MYO1D: variants seen among roughly 807,000 people sequenced by gnomAD.
MYO1D encodes the protein unconventional myosin-Id.
A neutral mutation model predicts 122.0 loss-of-function variants in MYO1D; 83 were observed. That is an observed-to-expected ratio of 0.68 (90% CI 0.57 to 0.82). The LOEUF is 0.82. Among genes scored for constraint, MYO1D ranks in the 40% least tolerant of loss-of-function variants. The pLI, the probability that MYO1D is intolerant of heterozygous loss-of-function variation, is 0.00. For synonymous variants in MYO1D, 464 were observed against 446.9 expected (o/e 1.04, Z -0.48); for missense variants, 1,157 against 1,269.5 (o/e 0.91, Z 1.35).
chr17:32,822,860 G>A (rs1042071801), intron 1 of MYO1D, among the ~76,000 whole-genome samples: 1 of 151,698 alleles, frequency 6.6e-6, no homozygotes, highest in African/African-American at 2.4e-5. Context: ...AGACTCAGCC[G>A]GCGTCTCGCA....
chr17:32,542,484 C>T (rs1910864993), intron 21 of MYO1D, among the ~76,000 whole-genome samples: 1 of 152,046 alleles, frequency 6.6e-6, no homozygotes, highest in Admixed American at 6.6e-5. Flanking sequence ...AGTTTATTAA[C>T]ACTTTATTGA....
intron 20 of MYO1D, among the ~76,000 whole-genome samples, chr17:32,611,413 G>A (rs1008023299): frequency 6.6e-6 from 1 of 152,192 alleles, no homozygotes; most frequent in Non-Finnish European, 1.5e-5. Flanking sequence ...CAAACTTAGA[G>A]GATCTTCTGG....
chr17:32,514,521 A>G (rs1029731254), intron 21 of MYO1D, among the ~76,000 whole-genome samples: 1 of 152,240 alleles, frequency 6.6e-6, no homozygotes, highest in Non-Finnish European at 1.5e-5. Context: ...GCAATAGTGC[A>G]AATTATAAAG....
chr17:32,825,809 G>A (rs1036922170), intron 1 of MYO1D, among the ~76,000 whole-genome samples: 22 of 152,076 alleles, frequency 1.4e-4, no homozygotes, highest in African/African-American at 4.8e-4. Context: ...AGACCCAGGC[G>A]GGAAGACTGC....
chr17:32,676,724 A>G lies in MYO1D; in HGVS notation c.2122-17386T>C, dbSNP rs555675118. Among the ~76,000 whole-genome samples the G allele has an allele frequency of 1.6e-4, 24 of 152,270 alleles. 1 individual carries two copies. The East Asian group carries it at 2.5e-3, about 16-fold the overall frequency. Reference sequence around the variant, plus strand: ...TAGAGGTTTCATGTTCTGTGAAATAAATCTGTTACTCTCTATGCCAGTTTG... The same window carrying G: ...TAGAGGTTTCATGTTCTGTGAAATAGATCTGTTACTCTCTATGCCAGTTTG... On this transcript the variant is annotated intron_variant, in intron 16 of 21. Coordinates refer to ENST00000318217, the MANE Select transcript of MYO1D (RefSeq NM_015194.3).
intron 1 of MYO1D, among the ~76,000 whole-genome samples, chr17:32,866,476 C>T (rs186267579): frequency 1.6e-4 from 24 of 152,252 alleles, no homozygotes; most frequent in Admixed American, 1.0e-3. Context: ...CCAGGTCTGC[C>T]GTATCCCTGA....
At chr17:32,570,945 G>C (rs540072348) in intron 21 of MYO1D, among the ~76,000 whole-genome samples, 9 of 152,302 alleles carry the variant, frequency 5.9e-5, no homozygotes, top group Admixed American at 2.6e-4. Context: ...GAAGGTAAGA[G>C]AAAGAAGTGA....
intron 1 of MYO1D, among the ~76,000 whole-genome samples, chr17:32,856,855 A>T (rs953533355): frequency 4.4e-4 from 67 of 152,344 alleles, no homozygotes; most frequent in Non-Finnish European, 2.2e-4. Flanking sequence ...TTTGATCTCA[A>T]CATGAGAAGA....
At chr17:32,530,879 C>T (rs1291977545) in intron 21 of MYO1D, among the ~76,000 whole-genome samples, 1 of 152,080 alleles carries the variant, frequency 6.6e-6, no homozygotes, top group Non-Finnish European at 1.5e-5. Context: ...CTGCTCCCTT[C>T]TTTTAGTTCT....
At chr17:32,664,822 T>C (rs1383387192) in intron 16 of MYO1D, among the ~76,000 whole-genome samples, 3 of 152,210 alleles carry the variant, frequency 2.0e-5, no homozygotes, top group Non-Finnish European at 4.4e-5. Context: ...GCCAGAGTGA[T>C]CCTTTTAAGA....
chr17:32,588,834 T>A (rs2150904560), intron 21 of MYO1D, among the ~76,000 whole-genome samples: 1 of 152,134 alleles, frequency 6.6e-6, no homozygotes, highest in South Asian at 2.1e-4. Context: ...TCCCAGCTAC[T>A]TGGGAGGCTG....
At chr17:32,832,761 T>C (rs1279405990) in intron 1 of MYO1D, among the ~76,000 whole-genome samples, 1 of 152,230 alleles carries the variant, frequency 6.6e-6, no homozygotes, top group Non-Finnish European at 1.5e-5. Flanking sequence ...GCATGCTTTA[T>C]TTTTAAACGA....
intron 8 of MYO1D, among the ~76,000 whole-genome samples, chr17:32,764,141 A>G (rs1303504232): frequency 1.3e-5 from 2 of 152,204 alleles, no homozygotes. Context: ...GCCCTGGAGG[A>G]CATTATGCTA....
chr17:32,750,960 T>C (rs1375362196), intron 11 of MYO1D, among the ~76,000 whole-genome samples: 1 of 152,154 alleles, frequency 6.6e-6, no homozygotes, highest in Non-Finnish European at 1.5e-5. Context: ...GTTTTATTTA[T>C]AAAACCCCTT....
intron 1 of MYO1D, among the ~76,000 whole-genome samples, chr17:32,837,496 TG>T (rs1313747415): frequency 6.6e-6 from 1 of 152,154 alleles, no homozygotes; most frequent in Admixed American, 6.5e-5. Context: ...TCTTTCTTTT[TG>T]CATCCCTAGG....
chr17:32,604,450 A>C (rs536746888), intron 21 of MYO1D, among the ~76,000 whole-genome samples: 2 of 152,336 alleles, frequency 1.3e-5, no homozygotes, highest in South Asian at 4.1e-4. Context: ...AAACAACTCC[A>C]ATAAATAACC....
At chr17:32,772,288 AC>A (rs1276973250) in intron 5 of MYO1D, among the ~76,000 whole-genome samples, 1 of 152,212 alleles carries the variant, frequency 6.6e-6, no homozygotes, top group African/African-American at 2.4e-5. Flanking sequence ...TTTTTTCTAA[AC>A]TTGATGGATT....
chr17:32,510,010 AC>A (rs1342338022), intron 21 of MYO1D: 1 of 152,234 alleles, frequency 6.6e-6, no homozygotes, highest in Non-Finnish European at 1.5e-5. Flanking sequence ...TAAACATTTT[AC>A]ATACTTAATT....
intron 11 of MYO1D, among the ~76,000 whole-genome samples, chr17:32,749,347 G>A (rs1456506286): frequency 6.6e-6 from 1 of 152,180 alleles, no homozygotes; most frequent in Non-Finnish European, 1.5e-5. Context: ...GGATGCAGAG[G>A]GTAGTCCCTA....
Sources: gnomAD v4.1 joint callset for allele counts (sites outside exome capture counted in the v4.1 genomes callset) on GRCh38, gnomAD v4.1.1 for gene constraint, MANE v1.5 for transcripts, NCBI Gene and HGNC (gene_info 2026-07-23, HGNC 2026-07-21) for gene names.